The following DGKB variants were observed in gnomAD, a reference collection of about 807,000 sequenced individuals.
The protein encoded by DGKB is diacylglycerol kinase beta.
Under a neutral mutation model 114.3 loss-of-function variants are expected in DGKB, and 67 were observed. That is an observed-to-expected ratio of 0.59 (90% CI 0.48 to 0.72). The LOEUF is 0.72. Among genes scored for constraint, DGKB ranks in the 30% least tolerant of loss-of-function variants. The pLI is 0.00. For missense variants in DGKB, 907 were observed against 975.2 expected, an observed-to-expected ratio of 0.93 and a Z score of 0.93; for synonymous variants, 398 against 323.1, an observed-to-expected ratio of 1.23 and a Z score of -2.49.
intron 20 of DGKB, among the ~76,000 whole-genome samples, chr7:14,533,369 T>G (rs1203385738): frequency 2.0e-5 from 3 of 151,526 alleles, no homozygotes; most frequent in Non-Finnish European, 4.4e-5. Context: ...AGAACAAGAA[T>G]AAATAGACTG....
At chr7:14,547,306 T>C (rs1031052694) in intron 20 of DGKB, among the ~76,000 whole-genome samples, 16 of 152,298 alleles carry the variant, frequency 1.1e-4, no homozygotes, top group Non-Finnish European at 2.1e-4. Context: ...TTCAAATTTT[T>C]AATTTCTGTA....
intron 23 of DGKB, among the ~76,000 whole-genome samples, chr7:14,280,097 A>G (rs1584905858): frequency 2.6e-5 from 4 of 151,394 alleles, no homozygotes; most frequent in Non-Finnish European, 4.4e-5. Context: ...AAGGCAAAGA[A>G]GTTGAAAACT....
At chr7:14,805,500 C>T (rs1404696118) in intron 2 of DGKB, among the ~76,000 whole-genome samples, 1 of 152,018 alleles carries the variant, frequency 6.6e-6, no homozygotes, top group Non-Finnish European at 1.5e-5. Flanking sequence ...TGGTGTCTCA[C>T]TTTTCATGGT....
At chr7:14,595,702 A>C (rs545910393) in intron 17 of DGKB, among the ~76,000 whole-genome samples, 1 of 151,898 alleles carries the variant, frequency 6.6e-6, no homozygotes, top group African/African-American at 2.4e-5. Flanking sequence ...CAAATAACAT[A>C]GTTTTATAAA....
intron 20 of DGKB, among the ~76,000 whole-genome samples, chr7:14,535,834 C>G (rs1347347681): frequency 6.6e-6 from 1 of 152,128 alleles, no homozygotes; most frequent in Admixed American, 6.5e-5. Context: ...ATCCACCCCC[C>G]TCAGCCTCCC....
chr7:14,836,515 A>T (rs1426811175), intron 2 of DGKB, among the ~76,000 whole-genome samples: 2 of 152,244 alleles, frequency 1.3e-5, no homozygotes, highest in Non-Finnish European at 2.9e-5. Context: ...TGAAAAGCCC[A>T]GGAGTTTCTT....
chr7:14,392,995 G>GTTTTTGTTTTTTTTGTTTTTT lies in DGKB; in HGVS notation c.1836-47605_1836-47604insAAAAAACAAAAAAAACAAAAA. ...CAAAACAGACCTGTTTTTTGTTTTT[G>GTTTTTGTTTTTTTTGTTTTTT]TTTTTTTTTTTTTGAGACGGAGTCT... On this transcript the variant is annotated intron_variant, in intron 21 of 25. Transcript: ENST00000402815. Among the ~76,000 whole-genome samples, 17 of 60,548 alleles carry GTTTTTGTTTTTTTTGTTTTTT rather than the reference G, an allele frequency of 2.8e-4. 3 individuals are homozygous for GTTTTTGTTTTTTTTGTTTTTT. The highest frequency in any genetic ancestry group is 7.7e-4 in the African/African-American group (16 of 20,684). The allele number at this position is 60,548 out of a possible 152,430, so 39.7% of individuals were successfully genotyped here.
At chr7:14,609,459 C>T (rs903088009) in intron 16 of DGKB, among the ~76,000 whole-genome samples, 27 of 151,622 alleles carry the variant, frequency 1.8e-4, no homozygotes, top group African/African-American at 6.5e-4. Context: ...TAGGAAATAC[C>T]CCACGTGACA....
intron 13 of DGKB, among the ~76,000 whole-genome samples, chr7:14,648,405 G>C (rs1464224348): frequency 1.3e-5 from 2 of 152,022 alleles, no homozygotes; most frequent in African/African-American, 4.8e-5. Flanking sequence ...CACAGGGCAG[G>C]GTACTCCAAC....
At chr7:14,191,462 T>C (rs781051861) in intron 23 of DGKB, 2 of 180,722 alleles carry the variant, frequency 1.1e-5, no homozygotes, top group Non-Finnish European at 2.5e-5. Context: ...AGTGGAACTA[T>C]GTTGCTTGAA....
At chr7:14,680,109 T>C (rs746389593) in intron 12 of DGKB, among the ~76,000 whole-genome samples, 6 of 151,940 alleles carry the variant, frequency 3.9e-5, no homozygotes, top group Non-Finnish European at 4.4e-5. Flanking sequence ...CTCAGGACTT[T>C]AGAGAGTTTA....
intron 23 of DGKB, among the ~76,000 whole-genome samples, chr7:14,251,280 G>A (rs1795199474): frequency 6.6e-6 from 1 of 151,808 alleles, no homozygotes; most frequent in African/African-American, 2.4e-5. Context: ...TCTCTTTTGT[G>A]TATCTACTAC....
intron 20 of DGKB, among the ~76,000 whole-genome samples, chr7:14,553,936 G>C (rs900642512): frequency 1.4e-5 from 2 of 144,536 alleles, no homozygotes; most frequent in African/African-American, 2.5e-5. Flanking sequence ...GCAGTGGCGG[G>C]ATCTCGGCTC....
At chr7:14,677,218 C>T (rs1022878137) in intron 12 of DGKB, among the ~76,000 whole-genome samples, 2 of 151,602 alleles carry the variant, frequency 1.3e-5, no homozygotes, top group East Asian at 1.9e-4. Flanking sequence ...AGAGTGGCTG[C>T]GCTGGTCAGA....
chr7:14,686,709 T>C (rs1821749713), intron 9 of DGKB, among the ~76,000 whole-genome samples: 1 of 152,132 alleles, frequency 6.6e-6, no homozygotes, highest in Non-Finnish European at 1.5e-5. Context: ...CTACAGTAAC[T>C]AATTCTTACA....
chr7:14,297,330 G>A (rs1250189112), intron 23 of DGKB, among the ~76,000 whole-genome samples: 2 of 152,112 alleles, frequency 1.3e-5, no homozygotes, highest in African/African-American at 2.4e-5. Flanking sequence ...ACCAAATCCA[G>A]CAGCACTTCA....
At chr7:14,704,533 C>T (rs998917790) in intron 6 of DGKB, among the ~76,000 whole-genome samples, 1 of 151,940 alleles carries the variant, frequency 6.6e-6, no homozygotes, top group African/African-American at 2.4e-5. Context: ...CAGCTCCCAG[C>T]GAGACCGACG....
intron 20 of DGKB, among the ~76,000 whole-genome samples, chr7:14,482,423 T>C (rs1379057224): frequency 6.6e-6 from 1 of 152,042 alleles, no homozygotes; most frequent in Non-Finnish European, 1.5e-5. Flanking sequence ...ATAAATTATC[T>C]AACAAACTCA....
At chr7:14,255,896 T>C (rs563249778) in intron 23 of DGKB, among the ~76,000 whole-genome samples, 14 of 152,344 alleles carry the variant, frequency 9.2e-5, no homozygotes, top group South Asian at 8.3e-4. Context: ...GCAGCAAAGA[T>C]CACTGAGGTC....
Sources: gnomAD v4.1 joint callset for allele counts (sites outside exome capture counted in the v4.1 genomes callset) on GRCh38, gnomAD v4.1.1 for gene constraint, MANE v1.5 for transcripts, NCBI Gene and HGNC (gene_info 2026-07-23, HGNC 2026-07-21) for gene names.